TNFSF10: variants seen among roughly 807,000 people sequenced by gnomAD.
TNFSF10 encodes the protein tumor necrosis factor ligand superfamily member 10.
TNFSF10 carries 13 observed loss-of-function variants against 29.5 expected under a neutral mutation model. That is an observed-to-expected ratio of 0.44 (90% confidence interval 0.29 to 0.70). TNFSF10 has a LOEUF of 0.70. Ranked by LOEUF, TNFSF10 falls within the 30% of genes least tolerant of loss-of-function variation. The pLI, the probability that TNFSF10 is intolerant of heterozygous loss-of-function variation, is 0.13. For synonymous variants in TNFSF10, 111 were observed against 112.8 expected, an observed-to-expected ratio of 0.98 and a Z score of 0.10; for missense variants, 345 against 330.9, an observed-to-expected ratio of 1.04 and a Z score of -0.33.
At chr3:172,516,987 G>A (rs531644845) in intron 1 of TNFSF10, among the ~76,000 whole-genome samples, 10 of 152,334 alleles carry the variant, frequency 6.6e-5, no homozygotes, top group East Asian at 3.9e-4. Context: ...GCCAAGCTTC[G>A]GTTTGATTAC....
rs974753888 is a variant in TNFSF10, at chr3:172,509,307, T to G, written c.328A>C (p.Ile110Leu). 6 of 1,613,366 alleles carry G rather than the reference T, an allele frequency of 3.7e-6. No individual in the cohort carries two copies. The highest frequency in any genetic ancestry group is 1.7e-4 in the Middle Eastern group (1 of 6,054). ...ISTVQEKQQN[I>L]SPLVRERGPQ... ...CCTCTTTCTCTCACTAGGGGAGAAA[T>G]ATTTTGTTGCTTTTCTAAAAGAGAA... Residue 110 changes from isoleucine (I) to leucine (L), a missense_variant, in exon 4 of 5, where the codon ATT becomes CTT. Physicochemically the swap from Ile to Leu is conservative, Grantham distance 5. Transcript: ENST00000241261.
rs185869216 is a variant in TNFSF10 at position 172,507,930 on chromosome 3, A to C, written c.419-1011T>G. On this transcript the variant is annotated intron_variant, in intron 4 of 4. Coordinates refer to ENST00000241261, the MANE Select transcript of TNFSF10 (RefSeq NM_003810.4). ...ATTTTGCATCATTTTGTGGGTTAAG[A>C]TTTGTCTCATCTTTGCATATGAAGA... 3.6e-4 allele frequency among the ~76,000 whole-genome samples: 55 copies of C among 152,342 alleles called. No homozygotes were observed. In the East Asian group the frequency reaches 7.7e-3, roughly 21 times the overall value.
Position 172,506,313 on chromosome 3 carries a change from A to G in TNFSF10, c.*179T>C. 3.2e-6 allele frequency: 2 copies of G among 623,902 alleles called. No homozygotes were observed. The highest frequency in any genetic ancestry group is 5.4e-6 in the Non-Finnish European group (2 of 373,600). The allele number at this position is 623,902 out of a possible 1,614,324, so 38.6% of individuals were successfully genotyped here. ...TTGGGATAAGTGAGTCACTTTCAGA[A>G]CAGTGTGTGTTGTAGAATTTTTTGG... On this transcript the variant is annotated 3_prime_UTR_variant, in exon 5 of 5. Coordinates refer to ENST00000241261, the MANE Select transcript of TNFSF10 (RefSeq NM_003810.4).
At position 172,518,071 on chromosome 3, in the gene TNFSF10, G is replaced by C. The variant is rs766552076; in HGVS notation, c.133-3073C>G. On this transcript the variant is annotated intron_variant, in intron 1 of 4. Coordinates refer to ENST00000241261, the MANE Select transcript of TNFSF10 (RefSeq NM_003810.4). ...CCAAGAATGATAATTAATACGATAC[G>C]TCTCCCCCGCCTCCTCCCATCCTTT... The C allele has an allele frequency of 4.0e-6, 4 of 1,003,148 alleles. No individual in the cohort carries two copies. The African/African-American group carries it at 5.2e-5, about 13-fold the overall frequency. The allele number at this position is 1,003,148 out of a possible 1,614,324, so 62.1% of individuals were successfully genotyped here. A position where few individuals can be genotyped will look rare whatever the true frequency, so the allele number is the denominator to read the frequency against.
intron 2 of TNFSF10, among the ~76,000 whole-genome samples, chr3:172,513,091 T>G (rs1254816900): frequency 2.0e-5 from 3 of 152,200 alleles, no homozygotes; most frequent in Non-Finnish European, 4.4e-5. Context: ...ATTCCCTCTG[T>G]GTTCTCTCCC....
At chr3:172,512,944 C>A (rs9682939) in intron 2 of TNFSF10, among the ~76,000 whole-genome samples, 27 of 152,126 alleles carry the variant, frequency 1.8e-4, no homozygotes, top group African/African-American at 6.5e-4. Context: ...AGGATAATAA[C>A]GATTTATTAT....
chr3:172,511,760 T>A, intron 2 of TNFSF10, 101 bp from the exon 3 acceptor site: 1 of 979,036 alleles, frequency 1.0e-6, no homozygotes, highest in Non-Finnish European at 1.5e-6. Context: ...AGGAAATTTC[T>A]ACATGCATTA....
intron 4 of TNFSF10, 104 bp from the exon 5 acceptor site, chr3:172,507,023 C>T (rs568775471): frequency 3.7e-5 from 36 of 985,008 alleles, no homozygotes; most frequent in South Asian, 3.6e-4. Context: ...TTGGGCTTGC[C>T]AGGGATTTCA....
chr3:172,511,654 A>C lies in TNFSF10; in HGVS notation c.276T>G (p.Ile92Met), dbSNP rs1713230295. ...AAATGGTTTCCTCAGAGGTTCTCAA[A>C]ATCATCTGCAAATATTATTGAATAA... ...WQLRQLVRKM[I>M]LRTSEETIST... Residue 92 changes from isoleucine to methionine, a missense_variant, in exon 3 of 5, where the codon ATT becomes ATG. Coordinates refer to ENST00000241261, the MANE Select transcript of TNFSF10 (RefSeq NM_003810.4). The C allele has an allele frequency of 6.2e-7, 1 of 1,611,814 alleles. No individual in the cohort carries two copies. The highest frequency in any genetic ancestry group is 2.2e-5 in the East Asian group (1 of 44,802).
At chr3:172,508,888 TAAA>T (rs10543824) in intron 4 of TNFSF10, among the ~76,000 whole-genome samples, 1 of 146,346 alleles carries the variant, frequency 6.8e-6, no homozygotes, top group Non-Finnish European at 1.5e-5. Context: ...AAACTCTGTC[TAAA>T]AAAAAAAAGG....
chr3:172,521,995 G>C (rs900043327), intron 1 of TNFSF10, among the ~76,000 whole-genome samples: 6 of 152,086 alleles, frequency 3.9e-5, no homozygotes, highest in African/African-American at 1.4e-4. Flanking sequence ...GTTGAACAGT[G>C]AGAGCACATG....
At chr3:172,519,049 G>T (rs559163538) in intron 1 of TNFSF10, among the ~76,000 whole-genome samples, 1 of 152,024 alleles carries the variant, frequency 6.6e-6, no homozygotes, top group Non-Finnish European at 1.5e-5. Context: ...TCTTAACTTC[G>T]CCTGAGCTTT....
intron 2 of TNFSF10, among the ~76,000 whole-genome samples, chr3:172,512,781 C>G (rs1713277438): frequency 6.6e-6 from 1 of 152,152 alleles, no homozygotes; most frequent in Non-Finnish European, 1.5e-5. Flanking sequence ...AGGGTCTTTC[C>G]TACAATGTGG....
Position 172,510,212 on chromosome 3 carries a change from A to G in TNFSF10, c.314-891T>C, listed in dbSNP as rs772934678. Among the ~76,000 whole-genome samples the G allele has an allele frequency of 3.9e-5, 6 of 152,240 alleles. No individual in the cohort carries two copies. The South Asian group carries it at 6.2e-4, about 16-fold the overall frequency. Reference sequence around the variant, plus strand: ...AGAAAATATGAATTAGAAAGTGACAATTTGGAGGCCAAGATGGGTGGATCA... The same window carrying G: ...AGAAAATATGAATTAGAAAGTGACAGTTTGGAGGCCAAGATGGGTGGATCA... On this transcript the variant is annotated intron_variant, in intron 3 of 4. Coordinates refer to ENST00000241261, the MANE Select transcript of TNFSF10 (RefSeq NM_003810.4).
At chr3:172,520,510 C>A (rs1713638244) in intron 1 of TNFSF10, among the ~76,000 whole-genome samples, 1 of 152,224 alleles carries the variant, frequency 6.6e-6, no homozygotes, top group African/African-American at 2.4e-5. Flanking sequence ...CTAGCTACAT[C>A]TGGAATACAA....
Position 172,511,602 on chromosome 3 carries a change from C to CA in TNFSF10, c.313+14dup. 2 of 1,599,698 alleles carry CA rather than the reference C, an allele frequency of 1.3e-6. No individual in the cohort carries two copies. The highest frequency in any genetic ancestry group is 1.3e-5 in the African/African-American group (1 of 74,276). ...TGACAGTAAAAAATTAAAATAACAA[C>CA]AAAAAAGATACTACCTTGAACTGTA... On this transcript the variant is annotated intron_variant, in intron 3 of 4. Coordinates refer to ENST00000241261, the MANE Select transcript of TNFSF10 (RefSeq NM_003810.4).
intron 2 of TNFSF10, among the ~76,000 whole-genome samples, chr3:172,513,336 T>C (rs1713301262): frequency 6.6e-6 from 1 of 152,194 alleles, no homozygotes; most frequent in Non-Finnish European, 1.5e-5. Flanking sequence ...GGGAGTTTCA[T>C]TTCTCAGCTT....
intron 1 of TNFSF10, among the ~76,000 whole-genome samples, chr3:172,521,599 G>C (rs138869516): frequency 1.3e-5 from 2 of 152,328 alleles, no homozygotes; most frequent in African/African-American, 4.8e-5. Context: ...TACACTGTTG[G>C]TGGGAGTATA....
intron 1 of TNFSF10, among the ~76,000 whole-genome samples, chr3:172,515,456 A>G (rs1713389533): frequency 6.6e-6 from 1 of 152,180 alleles, no homozygotes; most frequent in African/African-American, 2.4e-5. Flanking sequence ...GATCCTAAAT[A>G]AAAAACAGCC....
Sources: allele counts gnomAD v4.1 joint callset (sites outside exome capture counted in the v4.1 genomes callset), GRCh38; gene constraint gnomAD v4.1.1; transcripts MANE v1.5; gene names NCBI Gene and HGNC (gene_info 2026-07-23, HGNC 2026-07-21).